Variants in ANO10 observed in about 807,000 individuals in gnomAD.
ANO10 encodes anoctamin 10.
In ANO10, 77 loss-of-function variants were observed where a neutral mutation model predicts 74.7. That is an observed-to-expected ratio of 1.03 (90% confidence interval 0.86 to 1.25). The LOEUF is 1.25. Ranked by LOEUF, ANO10 falls within the 50% of genes most tolerant of loss-of-function variation. The pLI is 0.00. For synonymous variants in ANO10, 279 were observed against 284.9 expected, an observed-to-expected ratio of 0.98 and a Z score of 0.21; for missense variants, 721 against 778.1, an observed-to-expected ratio of 0.93 and a Z score of 0.87.
chr3:43,577,121 T>A lies in ANO10; in HGVS notation c.733A>T (p.Ile245Phe). ...FVWEDYDKYV[I>F]FASFNLIWST... ...CAGATGAGGTTGAACGAGGCAAAGATCACGTACTTGTCATAGTCTTCCCAC... is the reference window on the plus strand; with the variant it reads ...CAGATGAGGTTGAACGAGGCAAAGAACACGTACTTGTCATAGTCTTCCCAC... The change falls in exon 6 of 13, where the codon ATC becomes TTC. Residue 245 changes from isoleucine (I) to phenylalanine (F), a missense_variant. By Grantham distance (21) the Ile-to-Phe change is conservative. Coordinates refer to ENST00000292246, the MANE Select transcript of ANO10 (RefSeq NM_018075.5). 1.2e-6 allele frequency: 2 copies of A among 1,614,082 alleles called. No individual in the cohort carries two copies. The highest frequency in any genetic ancestry group is 1.7e-6 in the Non-Finnish European group (2 of 1,180,018).
intron 4 of ANO10, among the ~76,000 whole-genome samples, chr3:43,594,765 A>C (rs2081990094): frequency 1.3e-5 from 2 of 152,232 alleles, no homozygotes; most frequent in Admixed American, 1.3e-4. Context: ...CTAAGATCAG[A>C]GCAGAACTGA....
At chr3:43,450,430 A>G (rs2074810561) in intron 11 of ANO10, among the ~76,000 whole-genome samples, 1 of 152,102 alleles carries the variant, frequency 6.6e-6, no homozygotes, top group African/African-American at 2.4e-5. Flanking sequence ...AATCCCAGCT[A>G]CTCGGGACGC....
intron 4 of ANO10, among the ~76,000 whole-genome samples, chr3:43,588,607 C>T (rs1337456673): frequency 6.7e-6 from 1 of 149,360 alleles, no homozygotes; most frequent in African/African-American, 2.4e-5. Context: ...AAGCAAAATC[C>T]GACTATATCC....
intron 1 of ANO10, among the ~76,000 whole-genome samples, chr3:43,642,133 A>C (rs530091549): frequency 6.6e-6 from 1 of 152,258 alleles, no homozygotes; most frequent in Non-Finnish European, 1.5e-5. Flanking sequence ...AAGCCCTTTC[A>C]GTGAACAGAT....
At chr3:43,486,333 A>G (rs1276901300) in intron 11 of ANO10, among the ~76,000 whole-genome samples, 2 of 152,052 alleles carry the variant, frequency 1.3e-5, no homozygotes, top group Admixed American at 1.3e-4. Context: ...GTTTTTTCCA[A>G]TTCTGTGAAG....
At chr3:43,628,454 G>C (rs2083513459) in intron 1 of ANO10, among the ~76,000 whole-genome samples, 1 of 152,084 alleles carries the variant, frequency 6.6e-6, no homozygotes. Flanking sequence ...TGTGATAATT[G>C]CCTTAACTGC....
At chr3:43,550,505 T>C (rs1355355257) in intron 10 of ANO10, among the ~76,000 whole-genome samples, 2 of 152,226 alleles carry the variant, frequency 1.3e-5, no homozygotes, top group African/African-American at 4.8e-5. Flanking sequence ...ATACAAAGTA[T>C]ATGGTGATCA....
intron 1 of ANO10, among the ~76,000 whole-genome samples, chr3:43,617,038 A>G (rs966326323): frequency 1.3e-5 from 2 of 151,278 alleles, no homozygotes; most frequent in Non-Finnish European, 2.9e-5. Context: ...AATGACGTAA[A>G]TATCAAGTGT....
chr3:43,428,507 C>T (rs549646794), intron 12 of ANO10, among the ~76,000 whole-genome samples: 2 of 152,132 alleles, frequency 1.3e-5, no homozygotes, highest in South Asian at 2.1e-4. Context: ...GACATTAGAG[C>T]TGCACATGTA....
chr3:43,479,530 A>G (rs2076190810), intron 11 of ANO10, among the ~76,000 whole-genome samples: 1 of 152,214 alleles, frequency 6.6e-6, no homozygotes, highest in Non-Finnish European at 1.5e-5. Context: ...TGCCCTGAAG[A>G]GAGCTTTTTG....
chr3:43,477,310 C>T (rs1453102163), intron 11 of ANO10, among the ~76,000 whole-genome samples: 1 of 152,068 alleles, frequency 6.6e-6, no homozygotes. Context: ...AAAGATGTAC[C>T]ACCTCTCCCT....
chr3:43,612,866 T>C (rs954993614), intron 1 of ANO10, among the ~76,000 whole-genome samples: 7 of 152,124 alleles, frequency 4.6e-5, no homozygotes, highest in African/African-American at 7.2e-5. Flanking sequence ...AAGTGAATGT[T>C]GGATTAAAAT....
At chr3:43,432,117 CT>C (rs796692983) in intron 12 of ANO10, among the ~76,000 whole-genome samples, 3,385 of 133,858 alleles carry the variant, frequency 0.025, 117 homozygotes, top group Admixed American at 0.12. Context: ...TCCAGCATGG[CT>C]TTTTTTTTTT....
chr3:43,562,486 GC>G (rs1269476299), intron 8 of ANO10, among the ~76,000 whole-genome samples: 2 of 113,524 alleles, frequency 1.8e-5, no homozygotes, highest in Admixed American at 9.5e-5. Flanking sequence ...TTTGAGACCA[GC>G]CTGGCCAACA....
chr3:43,687,870 G>T (rs971426260), intron 1 of ANO10, among the ~76,000 whole-genome samples: 1 of 152,104 alleles, frequency 6.6e-6, no homozygotes, highest in African/African-American at 2.4e-5. Flanking sequence ...ACATGTGTTG[G>T]TCCATTGTCT....
chr3:43,466,375 A>AAAAACAAAAAAAC (rs1429272656), intron 11 of ANO10, among the ~76,000 whole-genome samples: 2 of 69,428 alleles, frequency 2.9e-5, no homozygotes, highest in Non-Finnish European at 3.2e-5. Flanking sequence ...ATCTCAAAAA[A>AAAAACAAAAAAAC]AAAAAAAAAA....
intron 12 of ANO10, among the ~76,000 whole-genome samples, chr3:43,382,481 T>C (rs62250908): frequency 4.7e-5 from 7 of 147,438 alleles, no homozygotes; most frequent in African/African-American, 1.8e-4. Context: ...ATCGCGCCAC[T>C]GCACTCCAGC....
chr3:43,549,438 A>C (rs2079353494), intron 11 of ANO10, among the ~76,000 whole-genome samples: 1 of 152,098 alleles, frequency 6.6e-6, no homozygotes, highest in African/African-American at 2.4e-5. Context: ...ATGGCACCTG[A>C]TCCTCAAATA....
intron 11 of ANO10, among the ~76,000 whole-genome samples, chr3:43,523,180 G>A (rs2078034851): frequency 6.6e-6 from 1 of 152,196 alleles, no homozygotes; most frequent in East Asian, 1.9e-4. Context: ...TGCCTGAAAA[G>A]GGGGTTCTCA....
Sources: allele counts gnomAD v4.1 joint callset (sites outside exome capture counted in the v4.1 genomes callset), GRCh38; gene constraint gnomAD v4.1.1; transcripts MANE v1.5; gene names NCBI Gene and HGNC (gene_info 2026-07-23, HGNC 2026-07-21).